PXN: variants seen among roughly 807,000 people sequenced by gnomAD.
PXN encodes the protein paxillin.
PXN carries 61 observed loss-of-function variants against 103.6 expected under a neutral mutation model. The ratio of observed to expected loss-of-function variants is 0.59; its 90% CI spans 0.48 to 0.73. PXN has a LOEUF of 0.73. Among genes scored for constraint, PXN ranks in the 30% least tolerant of loss-of-function variants. PXN has a pLI of 0.00. For missense variants in PXN, 1,274 were observed against 1,460.3 expected, an observed-to-expected ratio of 0.87 and a Z score of 2.08; for synonymous variants, 562 against 607.8, an observed-to-expected ratio of 0.92 and a Z score of 1.11.
intron 1 of PXN, among the ~76,000 whole-genome samples, chr12:120,256,489 CGGGGCCACAT>C (rs1893035106): frequency 6.7e-6 from 1 of 148,530 alleles, no homozygotes; most frequent in Admixed American, 6.7e-5. Context: ...ATGGGGACAT[CGGGGCCACAT>C]GGGGCCACAG....
rs762500509 is a variant in PXN, at chr12:120,214,840, G to A, written c.2733C>T (p.Asn911=). 245 of 1,614,026 alleles carry A rather than the reference G, an allele frequency of 1.5e-4. 2 individuals carry two copies. In the Admixed American group the frequency reaches 1.9e-3, roughly 13 times the overall value. Residue 911 remains asparagine, a synonymous_variant, in exon 12 of 15, where the codon AAC becomes AAT. Coordinates refer to ENST00000637617, the MANE Select transcript of PXN (RefSeq NM_001385981.1). This position sits in a 1 kb window ranked among gnomAD's most constrained non-coding sequence, Gnocchi z 5.0. ...NLFSPRCYYC[N]GPILDKVVTA... is the part of the protein sequence containing the mutation. ...AGGAACTCACATCCAGGATGGGGCC[G>A]TTGCAGTAGTAGCAGCGCGGGGAGA...
intron 1 of PXN, among the ~76,000 whole-genome samples, chr12:120,263,661 C>T (rs1004808965): frequency 6.6e-6 from 1 of 152,146 alleles, no homozygotes; most frequent in Non-Finnish European, 1.5e-5. Context: ...AAGGTGGAAT[C>T]TGATAAAAGG....
At position 120,215,229 on chromosome 12, in the gene PXN, C is replaced by T. The variant is rs753694450; in HGVS notation, c.2448G>A (p.Gly816=). ...GKTGSSSPPG[G]PPKPGSQLDS... Reference sequence around the variant, plus strand: ...CCAGCTGGCTCCCGGGCTTCGGGGGCCCCCCAGGGGGTGAGCTGCTCCCTG... The same window carrying T: ...CCAGCTGGCTCCCGGGCTTCGGGGGTCCCCCAGGGGGTGAGCTGCTCCCTG... Residue 816 remains glycine, a synonymous_variant, in exon 11 of 15, where the codon GGG becomes GGA. Coordinates refer to ENST00000637617, the MANE Select transcript of PXN (RefSeq NM_001385981.1). The surrounding 1 kb of genome is among the most constrained non-coding windows in gnomAD (Gnocchi z 4.9). 2.5e-5 allele frequency: 39 copies of T among 1,589,848 alleles called. No homozygotes were observed. The highest frequency in any genetic ancestry group is 3.3e-5 in the Non-Finnish European group (39 of 1,168,686).
In PXN at chr12:120,262,180, G is replaced by A. The variant is rs1893982815; in HGVS notation, c.13+3437C>T. Among the ~76,000 whole-genome samples the A allele has an allele frequency of 1.3e-5, 2 of 152,124 alleles. 1 individual carries two copies. Among genetic ancestry groups the A allele is most frequent in the African/African-American group, 4.8e-5 (2 of 41,424 alleles). ...TCTGCCCCCCTAGCACTACCCCCAA[G>A]GACAATGAGGCACTGTTTTCCAAAG... On this transcript the variant is annotated intron_variant, in intron 1 of 14. Coordinates refer to ENST00000637617, the MANE Select transcript of PXN (RefSeq NM_001385981.1).
chr12:120,215,079 C>G lies in PXN; in HGVS notation c.2574+24G>C. The G allele has an allele frequency of 6.3e-7, 1 of 1,591,564 alleles. No individual in the cohort carries two copies. The highest frequency in any genetic ancestry group is 8.6e-7 in the Non-Finnish European group (1 of 1,167,188). ...CCCCTGCAGGAGTCCACTGGCCACA[C>G]CCCTGCCCACTCCCCCTCATCACCT... On this transcript the variant is annotated intron_variant, in intron 11 of 14. Coordinates refer to ENST00000637617, the MANE Select transcript of PXN (RefSeq NM_001385981.1). This position sits in a 1 kb window ranked among gnomAD's most constrained non-coding sequence, Gnocchi z 4.9.
At chr12:120,231,572 G>T (rs1046798006) in intron 1 of PXN, among the ~76,000 whole-genome samples, 1 of 152,206 alleles carries the variant, frequency 6.6e-6, no homozygotes, top group Admixed American at 6.5e-5. Flanking sequence ...GGAGGAGGGG[G>T]TGGTCATTTG....
rs747279899 is a variant in PXN at position 120,216,786 on chromosome 12, G to A, written c.1992+55C>T. On this transcript the variant is annotated intron_variant, in intron 8 of 14. Transcript: ENST00000637617. This position sits in a 1 kb window ranked among gnomAD's most constrained non-coding sequence, Gnocchi z 5.1. ...CAGCACTGGGGCCAGGGAAGAACCCGGACCCCAGGTGCTTGGCTCTGGCCC... is the reference window on the plus strand; with the variant it reads ...CAGCACTGGGGCCAGGGAAGAACCCAGACCCCAGGTGCTTGGCTCTGGCCC... 9 of 1,581,070 alleles carry A rather than the reference G, an allele frequency of 5.7e-6. No homozygotes were observed. Among genetic ancestry groups the A allele is most frequent in the South Asian group, 4.5e-5 (4 of 88,822 alleles).
At chr12:120,226,699 G>C in intron 1 of PXN, 2 of 1,120,676 alleles carry the variant, frequency 1.8e-6, no homozygotes, top group Non-Finnish European at 2.2e-6. Flanking sequence ...CTGGGGCACA[G>C]AGACACAAGA....
rs909141877 is a variant in PXN at position 120,265,349 on chromosome 12, G to A, written c.13+268C>T. 6.6e-6 allele frequency among the ~76,000 whole-genome samples: 1 copy of A among 152,146 alleles called. No individual in the cohort carries two copies. Among genetic ancestry groups the A allele is most frequent in the African/African-American group, 2.4e-5 (1 of 41,448 alleles). ...GTCCCTGGGGCCCTTCTGGGAGATG[G>A]TGATGGGTCCCCGAGGTCGGGGGTC... On this transcript the variant is annotated intron_variant, in intron 1 of 14. Transcript: ENST00000637617. This position sits in a 1 kb window ranked among gnomAD's most constrained non-coding sequence, Gnocchi z 5.7.
chr12:120,255,677 GAGAA>G (rs956652099), intron 1 of PXN, among the ~76,000 whole-genome samples: 13 of 151,880 alleles, frequency 8.6e-5, no homozygotes, highest in African/African-American at 2.9e-4. Flanking sequence ...CTGGGTGACA[GAGAA>G]AGACTCTGTC....
At position 120,219,898 on chromosome 12, in the gene PXN, G is replaced by A. The variant is rs1412430994; in HGVS notation, c.1025C>T (p.Pro342Leu). 6.3e-7 allele frequency: 1 copy of A among 1,598,410 alleles called. No homozygotes were observed. Among genetic ancestry groups the A allele is most frequent in the Non-Finnish European group, 8.5e-7 (1 of 1,179,750 alleles). Residue 342 changes from proline (P) to leucine (L), a missense_variant, in exon 7 of 15, where the codon CCT (proline) becomes CTT (leucine). By Grantham distance (98) the Pro-to-Leu change is moderately conservative. Coordinates refer to ENST00000637617, the MANE Select transcript of PXN (RefSeq NM_001385981.1). This position sits in a 1 kb window ranked among gnomAD's most constrained non-coding sequence, Gnocchi z 6.5. ...ATCAAGCCAGCTGGGGGCTACAGGA[G>A]GTAGAAGGCCTCGTCCACTCTGCTC... ...CTEQSGRGLL[P>L]PVAPSWLDLA...
rs182292567 is a variant in PXN at position 120,255,511 on chromosome 12, T to C, written c.13+10106A>G. Among the ~76,000 whole-genome samples the C allele has an allele frequency of 2.8e-4, 43 of 152,184 alleles. No individual in the cohort carries two copies. The East Asian group carries it at 8.1e-3, about 29-fold the overall frequency. ...GAGTTCAAGACCAGCCTGGCCACTA[T>C]GGTGAAACCCCATCTCTACTAAAAC... On this transcript the variant is annotated intron_variant, in intron 1 of 14. Transcript: ENST00000637617.
In PXN at chr12:120,215,727, T is replaced by C. The variant is rs1299038049; in HGVS notation, c.2302-66A>G. 6.7e-7 allele frequency: 1 copy of C among 1,483,324 alleles called. No homozygotes were observed. The highest frequency in any genetic ancestry group is 9.0e-7 in the Non-Finnish European group (1 of 1,105,390). The allele number at this position is 1,483,324 out of a possible 1,614,324, so 91.9% of individuals were successfully genotyped here. On this transcript the variant is annotated intron_variant, in intron 9 of 14. Transcript: ENST00000637617. This position sits in a 1 kb window ranked among gnomAD's most constrained non-coding sequence, Gnocchi z 4.9. The stretch of plus-strand genomic sequence containing the variant: ...AAAATTAAGAAAGAATACAAGACCT[T>C]GTCACTGGACTAAAAGGGAATCTAG...
chr12:120,249,731 A>AAGACC (rs760008670), intron 1 of PXN, among the ~76,000 whole-genome samples: 8 of 152,176 alleles, frequency 5.3e-5, no homozygotes, highest in Non-Finnish European at 7.4e-5. Flanking sequence ...GCTGCCTCCA[A>AAGACC]AGACCAGACA....
intron 1 of PXN, among the ~76,000 whole-genome samples, chr12:120,242,503 C>T (rs1890328375): frequency 6.6e-6 from 1 of 152,216 alleles, no homozygotes; most frequent in Non-Finnish European, 1.5e-5. Context: ...AGGACACAAT[C>T]TCAGGCCTCA....
rs578117398 is a variant in PXN, at chr12:120,249,644, T to C, written c.13+15973A>G. 2.8e-4 allele frequency among the ~76,000 whole-genome samples: 43 copies of C among 152,280 alleles called. 1 individual carries two copies. The highest frequency in any genetic ancestry group is 4.6e-4 in the Non-Finnish European group (31 of 68,026). ...CACAAACAGGATGTTTAGAAGCAGA[T>C]GACCACAAGTGACCACAGGAAGCCA... is the stretch of plus-strand genomic sequence containing the variant. On this transcript the variant is annotated intron_variant, in intron 1 of 14. Coordinates refer to ENST00000637617, the MANE Select transcript of PXN (RefSeq NM_001385981.1).
At chr12:120,241,434 C>G (rs1167703882) in intron 1 of PXN, among the ~76,000 whole-genome samples, 1 of 152,216 alleles carries the variant, frequency 6.6e-6, no homozygotes, top group Non-Finnish European at 1.5e-5. Flanking sequence ...TCTCACGTGC[C>G]TCCTCCAAGA....
In PXN at chr12:120,216,072, CA is replaced by C; in HGVS notation, c.2301+200del. 1 of 1,308,012 alleles carries C rather than the reference CA, an allele frequency of 7.6e-7. No homozygotes were observed. 81.0% of individuals were successfully genotyped at this position (1,308,012 alleles called of 1,614,324 possible). ...AGACATGGGTGGACCCACAGAAAAG[CA>C]AGAGGGCAGCGGACCTTCTGAGTGG... On this transcript the variant is annotated intron_variant, in intron 9 of 14. Coordinates refer to ENST00000637617, the MANE Select transcript of PXN (RefSeq NM_001385981.1). This position sits in a 1 kb window ranked among gnomAD's most constrained non-coding sequence, Gnocchi z 5.1.
Position 120,229,150 on chromosome 12 carries a change from ACCTACAATGGGGGGATGTCCC to A in PXN, c.14-4794_14-4774del, listed in dbSNP as rs1215855180. On this transcript the variant is annotated intron_variant, in intron 1 of 14. Coordinates refer to ENST00000637617, the MANE Select transcript of PXN (RefSeq NM_001385981.1). This position sits in a 1 kb window ranked among gnomAD's most constrained non-coding sequence, Gnocchi z 4.0. ...TGGAAGGAAACCTGGGTCCCCTTGT[ACCTACAATGGGGGGATGTCCC>A]CCAGACTGTGGCTCTGGGGACCCCG... Among the ~76,000 whole-genome samples, 12 of 152,208 alleles carry A rather than the reference ACCTACAATGGGGGGATGTCCC, an allele frequency of 7.9e-5. No homozygotes were observed. Among genetic ancestry groups the A allele is most frequent in the Non-Finnish European group, 1.3e-4 (9 of 67,988 alleles).
Sources: gnomAD v4.1 joint callset for allele counts (sites outside exome capture counted in the v4.1 genomes callset) on GRCh38, gnomAD v4.1.1 for gene constraint, Gnocchi (gnomAD v3.1) non-coding constraint, MANE v1.5 for transcripts, NCBI Gene and HGNC (gene_info 2026-07-23, HGNC 2026-07-21) for gene names.